GNG7: variants seen among roughly 807,000 people sequenced by gnomAD.
GNG7 encodes the protein guanine nucleotide-binding protein G(I)/G(S)/G(O) subunit gamma-7.
GNG7 carries 1 observed loss-of-function variant against 4.0 expected under a neutral mutation model. The observed-to-expected ratio is 0.25, with a 90% CI of 0.09 to 1.18. The LOEUF (loss-of-function observed/expected upper bound fraction) is 1.18, where lower values mean the gene tolerates loss of function less well. Among genes scored for constraint, GNG7 ranks in the 50% most tolerant of loss-of-function variants. The pLI, the probability that GNG7 is intolerant of heterozygous loss-of-function variation, is 0.50. For synonymous variants in GNG7, 34 were observed against 36.9 expected (o/e 0.92, Z 0.29); for missense variants, 86 against 91.9 (o/e 0.94, Z 0.26).
intron 3 of GNG7, among the ~76,000 whole-genome samples, chr19:2,534,008 ATTATATAATTT>A (rs938383296): frequency 1.3e-5 from 2 of 152,150 alleles, no homozygotes; most frequent in African/African-American, 4.8e-5. Flanking sequence ...TACGATTTTT[ATTATATAATTT>A]TGGTCACGGG....
intron 1 of GNG7, among the ~76,000 whole-genome samples, chr19:2,669,202 C>A (rs1410519263): frequency 6.6e-6 from 1 of 152,130 alleles, no homozygotes; most frequent in African/African-American, 2.4e-5. Flanking sequence ...CAGAAAACTA[C>A]CGCTGTGGGT....
At chr19:2,646,932 C>T (rs1982681720) in intron 1 of GNG7, among the ~76,000 whole-genome samples, 1 of 152,156 alleles carries the variant, frequency 6.6e-6, no homozygotes, top group Non-Finnish European at 1.5e-5. Context: ...CCAGAAGGCA[C>T]CCAACGTATC....
chr19:2,695,210 G>A (rs763127763), intron 1 of GNG7, among the ~76,000 whole-genome samples: 25 of 151,808 alleles, frequency 1.6e-4, no homozygotes, highest in Admixed American at 5.3e-4. Context: ...CCACCAATCC[G>A]TTCCCTGGCA....
chr19:2,660,728 C>T (rs1294798649), intron 1 of GNG7, among the ~76,000 whole-genome samples: 1 of 152,190 alleles, frequency 6.6e-6, no homozygotes, highest in East Asian at 1.9e-4. Context: ...GAGTTCAAGA[C>T]TGTGGGGAGC....
At chr19:2,526,764 T>C (rs901658722) in intron 3 of GNG7, among the ~76,000 whole-genome samples, 1 of 150,530 alleles carries the variant, frequency 6.6e-6, no homozygotes, top group African/African-American at 2.4e-5. Context: ...GTATTTATAA[T>C]ATATTTAGAT....
chr19:2,622,018 G>A (rs1304993837), intron 2 of GNG7, among the ~76,000 whole-genome samples: 1 of 151,914 alleles, frequency 6.6e-6, no homozygotes, highest in Non-Finnish European at 1.5e-5. Flanking sequence ...CCTTCATGCT[G>A]ATCACCACGG....
At chr19:2,552,958 A>T (rs1485893727) in intron 3 of GNG7, among the ~76,000 whole-genome samples, 1 of 151,296 alleles carries the variant, frequency 6.6e-6, no homozygotes, top group Non-Finnish European at 1.5e-5. Flanking sequence ...AAAAGGAAGA[A>T]CGAAGGCAGC....
intron 2 of GNG7, among the ~76,000 whole-genome samples, chr19:2,580,644 AG>A (rs980468538): frequency 2.6e-5 from 4 of 151,912 alleles, no homozygotes; most frequent in Non-Finnish European, 5.9e-5. Context: ...GCTGTTACCC[AG>A]GCTGGAGTGC....
chr19:2,671,786 A>AT (rs1346100583), intron 1 of GNG7, among the ~76,000 whole-genome samples: 1 of 151,194 alleles, frequency 6.6e-6, no homozygotes, highest in South Asian at 2.1e-4. Context: ...ATTTTATTTT[A>AT]TTTTTTTTTA....
intron 2 of GNG7, among the ~76,000 whole-genome samples, chr19:2,638,372 G>C (rs747738370): frequency 4.5e-5 from 6 of 134,436 alleles, no homozygotes; most frequent in Non-Finnish European, 9.5e-5. Flanking sequence ...AAAGAGAAAA[G>C]AAAAGAAAAG....
At chr19:2,578,766 A>G (rs978819045) in intron 2 of GNG7, among the ~76,000 whole-genome samples, 2 of 152,212 alleles carry the variant, frequency 1.3e-5, no homozygotes, top group Non-Finnish European at 2.9e-5. Context: ...AAGCCCCCCA[A>G]CACCCCGAGA....
chr19:2,571,786 G>A (rs1599398309), intron 2 of GNG7, among the ~76,000 whole-genome samples: 2 of 151,756 alleles, frequency 1.3e-5, no homozygotes, highest in East Asian at 3.9e-4. Flanking sequence ...AGTAGAGACG[G>A]GGTTTCACCA....
chr19:2,640,615 A>G (rs1284421060), intron 2 of GNG7, among the ~76,000 whole-genome samples: 1 of 151,938 alleles, frequency 6.6e-6, no homozygotes, highest in Non-Finnish European at 1.5e-5. Flanking sequence ...ACTTTTCTTC[A>G]TTTTACCTTT....
intron 3 of GNG7, among the ~76,000 whole-genome samples, chr19:2,530,996 A>G (rs763551025): frequency 1.3e-5 from 2 of 151,984 alleles, no homozygotes; most frequent in African/African-American, 2.4e-5. Context: ...GGGACAACTT[A>G]ATATTGCACT....
intron 1 of GNG7, among the ~76,000 whole-genome samples, chr19:2,695,929 C>T (rs979814050): frequency 3.0e-4 from 45 of 152,008 alleles, no homozygotes; most frequent in Non-Finnish European, 5.4e-4. Flanking sequence ...GAGGCCGAGG[C>T]GGGCAGATCA....
intron 1 of GNG7, among the ~76,000 whole-genome samples, chr19:2,699,076 T>A (rs1390290132): frequency 6.6e-6 from 1 of 151,958 alleles, no homozygotes; most frequent in Non-Finnish European, 1.5e-5. Context: ...AACTGACAAC[T>A]TCAGGCCATC....
chr19:2,646,409 C>G (rs1293201558), intron 1 of GNG7, 129 bp from the exon 2 acceptor site: 1 of 152,224 alleles, frequency 6.6e-6, no homozygotes, highest in Non-Finnish European at 1.5e-5. Context: ...TTTTGGCAAC[C>G]AGGCGCGGTG....
intron 2 of GNG7, among the ~76,000 whole-genome samples, chr19:2,584,754 T>G (rs1422527718): frequency 0.02 from 156 of 7,856 alleles, no homozygotes; most frequent in South Asian, 0.025. Context: ...GAGGGACGGA[T>G]GGAGGGAGGG....
In GNG7 at chr19:2,557,247, A is replaced by G. The variant is rs1297113585; in HGVS notation, c.-77-2059T>C. Among the ~76,000 whole-genome samples, 4 of 150,894 alleles carry G rather than the reference A, an allele frequency of 2.7e-5. No individual in the cohort carries two copies. The highest frequency in any genetic ancestry group is 4.9e-5 in the African/African-American group (2 of 40,700). ...CATGCACACACAGACGCACATGTGC[A>G]CACACACGTGCACACACATTTGCAC... On this transcript the variant is annotated intron_variant, in intron 2 of 4. Coordinates refer to ENST00000382159, the MANE Select transcript of GNG7 (RefSeq NM_052847.3). This position sits in a 1 kb window ranked among gnomAD's most constrained non-coding sequence, Gnocchi z 5.1.
Sources: allele counts gnomAD v4.1 joint callset (sites outside exome capture counted in the v4.1 genomes callset), GRCh38; gene constraint gnomAD v4.1.1; non-coding constraint Gnocchi (gnomAD v3.1); transcripts MANE v1.5; gene names NCBI Gene and HGNC (gene_info 2026-07-23, HGNC 2026-07-21).